The following LSAMP variants were observed in gnomAD, a reference collection of about 807,000 sequenced individuals.
LSAMP encodes the protein limbic system associated membrane protein.
A neutral mutation model predicts 38.6 loss-of-function variants in LSAMP; 7 were observed. That is an observed-to-expected ratio of 0.18 (90% CI 0.10 to 0.34). LSAMP has a LOEUF of 0.34. Ranked by LOEUF, LSAMP falls within the 10% of genes least tolerant of loss-of-function variation. The pLI, the probability that LSAMP is intolerant of heterozygous loss-of-function variation, is 1.00. For missense variants in LSAMP, 313 were observed against 420.0 expected (o/e 0.75, Z 2.23); for synonymous variants, 154 against 166.8 (o/e 0.92, Z 0.59).
chr3:115,946,174 C>T (rs1938091449), intron 3 of LSAMP, among the ~76,000 whole-genome samples: 1 of 152,164 alleles, frequency 6.6e-6, no homozygotes, highest in African/African-American at 2.4e-5. Context: ...AAATACAATA[C>T]TGCATGATCT....
intron 1 of LSAMP, among the ~76,000 whole-genome samples, chr3:116,174,355 G>A (rs1334738696): frequency 6.6e-6 from 1 of 151,938 alleles, no homozygotes; most frequent in Non-Finnish European, 1.5e-5. Flanking sequence ...AGGGTAATAA[G>A]TAATAGCTGT....
intron 3 of LSAMP, among the ~76,000 whole-genome samples, chr3:115,905,866 T>C (rs1936996479): frequency 6.6e-6 from 1 of 152,104 alleles, no homozygotes; most frequent in Non-Finnish European, 1.5e-5. Context: ...AAGGATATTT[T>C]TGTGAGGGGT....
intron 1 of LSAMP, among the ~76,000 whole-genome samples, chr3:116,200,158 A>C (rs911955070): frequency 1.3e-4 from 19 of 151,996 alleles, no homozygotes; most frequent in Admixed American, 2.0e-4. Context: ...TTTCCTAACA[A>C]CTTGTTGATC....
intron 3 of LSAMP, among the ~76,000 whole-genome samples, chr3:115,862,379 C>T (rs1039010193): frequency 6.6e-6 from 1 of 152,176 alleles, no homozygotes; most frequent in African/African-American, 2.4e-5. Context: ...CCACAGAAGC[C>T]TTTGAAATGT....
chr3:115,905,735 A>G (rs1051297357), intron 3 of LSAMP, among the ~76,000 whole-genome samples: 2 of 152,146 alleles, frequency 1.3e-5, no homozygotes, highest in African/African-American at 2.4e-5. Flanking sequence ...AAAAGATGCT[A>G]AGATGCTCAT....
Position 115,807,971 on chromosome 3 carries a change from A to G in LSAMP, c.*2346T>C, listed in dbSNP as rs1008755100. The G allele has an allele frequency of 2.0e-5, 3 of 152,168 alleles. No homozygotes were observed. Among genetic ancestry groups the G allele is most frequent in the Non-Finnish European group, 2.9e-5 (2 of 68,028 alleles). 9.4% of individuals were successfully genotyped at this position (152,168 alleles called of 1,614,324 possible). ...TGTATCAAGTCTAAACTGCAAAATC[A>G]TGAAAGAAGGCTGTGATAAGCTTCT... On this transcript the variant is annotated 3_prime_UTR_variant, in exon 7 of 7. Transcript: ENST00000490035.
intron 1 of LSAMP, among the ~76,000 whole-genome samples, chr3:116,339,081 C>A (rs571497386): frequency 6.6e-6 from 1 of 151,930 alleles, no homozygotes; most frequent in African/African-American, 2.4e-5. Context: ...GGTTCAGGTG[C>A]CTTTCCTAGG....
intron 6 of LSAMP, among the ~76,000 whole-genome samples, chr3:115,837,382 A>C (rs192291040): frequency 1.1e-3 from 171 of 152,076 alleles, no homozygotes; most frequent in African/African-American, 4.0e-3. Flanking sequence ...CAAGGTAATC[A>C]ATCAGTGGGA....
At chr3:115,938,935 T>C (rs1017242167) in intron 3 of LSAMP, among the ~76,000 whole-genome samples, 4 of 152,194 alleles carry the variant, frequency 2.6e-5, no homozygotes, top group African/African-American at 9.6e-5. Flanking sequence ...GAGCAGGTAG[T>C]TGGGAAACGT....
chr3:115,913,797 T>G (rs1373324866), intron 3 of LSAMP, among the ~76,000 whole-genome samples: 1 of 152,130 alleles, frequency 6.6e-6, no homozygotes, highest in Non-Finnish European at 1.5e-5. Context: ...GGGACCTATG[T>G]CTTTTTCATG....
chr3:116,200,828 A>G (rs557791938), intron 1 of LSAMP, among the ~76,000 whole-genome samples: 15 of 152,212 alleles, frequency 9.9e-5, no homozygotes, highest in African/African-American at 1.7e-4. Flanking sequence ...TTGATGCTGC[A>G]GTGTTTTCCC....
chr3:116,027,294 A>G (rs1482599060), intron 2 of LSAMP, among the ~76,000 whole-genome samples: 2 of 152,206 alleles, frequency 1.3e-5, no homozygotes, highest in Non-Finnish European at 2.9e-5. Flanking sequence ...AATGGTTAGT[A>G]CACGTCATGA....
At position 115,865,244 on chromosome 3, in the gene LSAMP, AG is replaced by A. The variant is rs201255430; in HGVS notation, c.515-12628del. On this transcript the variant is annotated intron_variant, in intron 3 of 6. Transcript: ENST00000490035. ...GACCATAATTATTTCAGTACTTCCTAGAAATGGCTTCACTGAAGTGAGACCA... is the reference window on the plus strand; with the variant it reads ...GACCATAATTATTTCAGTACTTCCTAAAATGGCTTCACTGAAGTGAGACCA... Among the ~76,000 whole-genome samples the A allele has an allele frequency of 4.8e-3, 731 of 152,314 alleles. 10 individuals are homozygous for A. The highest frequency in any genetic ancestry group is 0.017 in the African/African-American group (713 of 41,572).
At chr3:115,892,410 A>C (rs7430979) in intron 3 of LSAMP, among the ~76,000 whole-genome samples, 96,191 of 151,804 alleles carry the variant, frequency 0.63, 30,550 homozygotes, top group Middle Eastern at 0.71. Flanking sequence ...TTGGAAAACC[A>C]TACAGAATAA....
intron 1 of LSAMP, among the ~76,000 whole-genome samples, chr3:116,157,408 T>C (rs1426504760): frequency 1.3e-5 from 2 of 152,192 alleles, no homozygotes; most frequent in Non-Finnish European, 2.9e-5. Flanking sequence ...TCTCTGGTTA[T>C]GTTCCCTAAT....
intron 1 of LSAMP, among the ~76,000 whole-genome samples, chr3:116,206,317 G>A (rs1224808496): frequency 2.0e-5 from 3 of 149,764 alleles, no homozygotes; most frequent in African/African-American, 7.4e-5. Flanking sequence ...AGTCTTGCTA[G>A]CGGTCTATCA....
chr3:116,018,077 G>A (rs1053932978), intron 3 of LSAMP, among the ~76,000 whole-genome samples: 3 of 151,990 alleles, frequency 2.0e-5, no homozygotes, highest in Admixed American at 2.0e-4. Flanking sequence ...TTTTCCACAT[G>A]AGGTATAAAA....
At chr3:116,149,209 G>C (rs1174775611) in intron 1 of LSAMP, among the ~76,000 whole-genome samples, 1 of 151,894 alleles carries the variant, frequency 6.6e-6, no homozygotes, top group Non-Finnish European at 1.5e-5. Flanking sequence ...CTGCAGTATA[G>C]TTAGATTTTC....
At chr3:116,107,258 G>T (rs1389869799) in intron 1 of LSAMP, among the ~76,000 whole-genome samples, 1 of 152,214 alleles carries the variant, frequency 6.6e-6, no homozygotes, top group Non-Finnish European at 1.5e-5. Flanking sequence ...AGTGAGTACA[G>T]CTGAAGGAGC....
Sources: allele counts gnomAD v4.1 joint callset (sites outside exome capture counted in the v4.1 genomes callset), GRCh38; gene constraint gnomAD v4.1.1; transcripts MANE v1.5; gene names NCBI Gene and HGNC (gene_info 2026-07-23, HGNC 2026-07-21).